Variants in CATSPER3 observed in about 807,000 individuals in gnomAD.
CATSPER3 encodes cation channel sperm associated 3.
A neutral mutation model predicts 36.6 loss-of-function variants in CATSPER3; 23 were observed. The observed-to-expected ratio is 0.63, with a 90% confidence interval of 0.45 to 0.89. The LOEUF (loss-of-function observed/expected upper bound fraction) is 0.89, where lower values mean the gene tolerates loss of function less well. Ranked by LOEUF, CATSPER3 falls within the 40% of genes least tolerant of loss-of-function variation. CATSPER3 has a pLI of 0.00. For synonymous variants in CATSPER3, 172 were observed against 184.1 expected (o/e 0.93, Z 0.53); for missense variants, 474 against 503.9 (o/e 0.94, Z 0.57).
At chr5:134,995,429 G>A (rs1342363890) in intron 2 of CATSPER3, among the ~76,000 whole-genome samples, 1 of 151,936 alleles carries the variant, frequency 6.6e-6, no homozygotes, top group Non-Finnish European at 1.5e-5. Flanking sequence ...ATAGCTGCTA[G>A]GACTTCCTCT....
chr5:135,009,131 G>C lies in CATSPER3; in HGVS notation c.816+150G>C, dbSNP rs1019996212. 8 of 1,134,108 alleles carry C rather than the reference G, an allele frequency of 7.1e-6. No homozygotes were observed. The Admixed American group carries it at 9.0e-5, about 13-fold the overall frequency. The allele number at this position is 1,134,108 out of a possible 1,614,324, so 70.3% of individuals were successfully genotyped here. A position where few individuals can be genotyped will look rare whatever the true frequency, so the allele number is the denominator to read the frequency against. ...GCCAGATGGACCTGTCCCTCACCCG[G>C]CCCAACTCTCCTCCCTGAGCCAGTG... On this transcript the variant is annotated intron_variant, in intron 5 of 7. Transcript: ENST00000282611.
At chr5:134,977,407 A>G (rs936146207) in intron 2 of CATSPER3, among the ~76,000 whole-genome samples, 1 of 152,214 alleles carries the variant, frequency 6.6e-6, no homozygotes, top group African/African-American at 2.4e-5. Flanking sequence ...ACAAAGCCCT[A>G]GGATATGGAA....
intron 4 of CATSPER3, 87 bp downstream of exon 4, chr5:135,008,226 A>C (rs1580916347): frequency 9.0e-7 from 1 of 1,111,266 alleles, no homozygotes; most frequent in East Asian, 2.4e-5. Flanking sequence ...GTGGGGCCTC[A>C]CATGGGGCTT....
intron 2 of CATSPER3, among the ~76,000 whole-genome samples, chr5:134,982,504 A>G (rs755948476): frequency 6.6e-6 from 1 of 152,240 alleles, no homozygotes; most frequent in Non-Finnish European, 1.5e-5. Flanking sequence ...CAGCCGATTT[A>G]TCCTCAGAAA....
rs202118910 is a variant in CATSPER3 at position 135,008,031 on chromosome 5, C to G, written c.567C>G (p.Tyr189Ter). 6.2e-7 allele frequency: 1 copy of G among 1,614,126 alleles called. No homozygotes were observed. The change falls in exon 4 of 8, where the codon TAC (tyrosine) becomes TAG (stop). Residue 189 changes from tyrosine to a stop codon, truncating the protein, a stop_gained. Transcript: ENST00000282611. LOFTEE classifies it high-confidence loss of function. ...TCCTCCTGCTCTTCCTCCTCATGTA[C>G]ATCTTCGCTATCTTGGGCTTCTGCC... ...SVLLLLFLLM[Y>*]IFAILGFCLF... is the part of the protein sequence containing the mutation.
intron 2 of CATSPER3, among the ~76,000 whole-genome samples, chr5:134,979,303 AT>A (rs1751720299): frequency 6.6e-6 from 1 of 151,896 alleles, no homozygotes; most frequent in Non-Finnish European, 1.5e-5. Flanking sequence ...TGCCCAGCTA[AT>A]TTTTGTATGT....
chr5:134,974,116 C>T (rs1235114401), intron 2 of CATSPER3, among the ~76,000 whole-genome samples: 2 of 152,080 alleles, frequency 1.3e-5, no homozygotes, highest in African/African-American at 2.4e-5. Context: ...AAATTATGTG[C>T]CGTCTATAAA....
At chr5:134,989,367 A>G (rs897683609) in intron 2 of CATSPER3, among the ~76,000 whole-genome samples, 4 of 152,226 alleles carry the variant, frequency 2.6e-5, no homozygotes, top group African/African-American at 9.6e-5. Context: ...TAGCTATGAA[A>G]GTCCTAGATG....
At chr5:134,978,806 G>A (rs1035980802) in intron 2 of CATSPER3, among the ~76,000 whole-genome samples, 1 of 151,302 alleles carries the variant, frequency 6.6e-6, no homozygotes, top group Admixed American at 6.6e-5. Context: ...TGCAAGCTCC[G>A]CCTACCAGGT....
chr5:134,996,261 C>T lies in CATSPER3; in HGVS notation c.253-12C>T. The T allele has an allele frequency of 6.2e-7, 1 of 1,614,230 alleles. No homozygotes were observed. Among genetic ancestry groups the T allele is most frequent in the Non-Finnish European group, 8.5e-7 (1 of 1,180,032 alleles). On this transcript the variant is annotated splice_polypyrimidine_tract_variant and intron_variant, in intron 2 of 7. Coordinates refer to ENST00000282611, the MANE Select transcript of CATSPER3 (RefSeq NM_178019.3). ...CTCGATCTGACTTCTCCAACCCTTGCTACCCCTGTAGTTCTCGGAGATCTT... is the reference window on the plus strand; with the variant it reads ...CTCGATCTGACTTCTCCAACCCTTGTTACCCCTGTAGTTCTCGGAGATCTT...
intron 2 of CATSPER3, among the ~76,000 whole-genome samples, chr5:134,994,368 G>A (rs552118123): frequency 8.5e-5 from 13 of 152,186 alleles, no homozygotes; most frequent in African/African-American, 2.2e-4. Context: ...TTTAAAAATA[G>A]GATACTATTT....
chr5:134,976,297 G>A (rs907580327), intron 2 of CATSPER3, among the ~76,000 whole-genome samples: 1 of 152,046 alleles, frequency 6.6e-6, no homozygotes, highest in African/African-American at 2.4e-5. Context: ...CTCCAGCCTG[G>A]GTGACAGAGC....
Position 134,970,077 on chromosome 5 carries a change from G to T in CATSPER3, c.237G>T (p.Leu79Phe). ...LWTSYDIRYRLFRLLEFSEIF... is the reference protein window; with the variant it reads ...LWTSYDIRYRFFRLLEFSEIF... ...CCAGTTATGACATAAGGTACCGCTTGTTCAGACTTCTTGAGGTAAGCAGAC... is the reference window on the plus strand; with the variant it reads ...CCAGTTATGACATAAGGTACCGCTTTTTCAGACTTCTTGAGGTAAGCAGAC... Residue 79 changes from leucine to phenylalanine, a missense_variant, in exon 2 of 8, where the codon TTG becomes TTT. Leu to Phe is a conservative substitution (Grantham distance 22). Coordinates refer to ENST00000282611, the MANE Select transcript of CATSPER3 (RefSeq NM_178019.3). The T allele has an allele frequency of 1.9e-6, 3 of 1,613,920 alleles. No individual in the cohort carries two copies. Among genetic ancestry groups the T allele is most frequent in the Middle Eastern group, 3.3e-4 (2 of 6,060 alleles).
At chr5:134,985,404 T>A (rs1405553661) in intron 2 of CATSPER3, among the ~76,000 whole-genome samples, 1 of 152,172 alleles carries the variant, frequency 6.6e-6, no homozygotes, top group Non-Finnish European at 1.5e-5. Context: ...CAGAGTGGTA[T>A]AATGGACATT....
chr5:134,970,951 CTCTT>C (rs1051235561), intron 2 of CATSPER3, among the ~76,000 whole-genome samples: 1 of 151,842 alleles, frequency 6.6e-6, no homozygotes, highest in Admixed American at 6.6e-5. Flanking sequence ...ACTCCTATCT[CTCTT>C]TTTTTTTGTT....
Position 134,984,785 on chromosome 5 carries a change from G to GA in CATSPER3, c.253-11479dup, listed in dbSNP as rs200189839. On this transcript the variant is annotated intron_variant, in intron 2 of 7. Transcript: ENST00000282611. ...CCCACTACTGACTATCTCCCCAAAG[G>GA]AAAAAAAAATCACTATATCAGACAC... 8.6e-3 allele frequency among the ~76,000 whole-genome samples: 1,261 copies of GA among 146,066 alleles called. 16 individuals carry two copies. Among genetic ancestry groups the GA allele is most frequent in the African/African-American group, 0.029 (1,157 of 40,036 alleles).
intron 6 of CATSPER3, 126 bp downstream of exon 6, chr5:135,009,616 G>A (rs182697001): frequency 1.6e-3 from 83 of 51,744 alleles, no homozygotes; most frequent in Admixed American, 0.015. Context: ...GCAGCCTTAG[G>A]TAAGACAGCT....
chr5:134,993,507 C>T (rs1751907570), intron 2 of CATSPER3, among the ~76,000 whole-genome samples: 1 of 151,990 alleles, frequency 6.6e-6, no homozygotes, highest in Non-Finnish European at 1.5e-5. Flanking sequence ...AGTTAGATCA[C>T]AGAAAATAAT....
intron 3 of CATSPER3, among the ~76,000 whole-genome samples, chr5:135,003,108 T>A (rs577994833): frequency 1.6e-4 from 24 of 152,324 alleles, no homozygotes; most frequent in Admixed American, 9.8e-4. Context: ...TCTTTGATGA[T>A]GGTGACTTAC....
Sources: gnomAD v4.1 joint callset for allele counts (sites outside exome capture counted in the v4.1 genomes callset) on GRCh38, gnomAD v4.1.1 for gene constraint, MANE v1.5 for transcripts, NCBI Gene and HGNC (gene_info 2026-07-23, HGNC 2026-07-21) for gene names.